FRY: variants seen among roughly 807,000 people sequenced by gnomAD.
FRY encodes protein furry homolog.
In FRY, 128 loss-of-function variants were observed where a neutral mutation model predicts 348.4. That is an observed-to-expected ratio of 0.37 (90% CI 0.32 to 0.43). FRY has a LOEUF of 0.43. Ranked by LOEUF, FRY falls within the 20% of genes least tolerant of loss-of-function variation. The pLI is 1.00. For missense variants in FRY, 2,736 were observed against 3,695.2 expected, an observed-to-expected ratio of 0.74 and a Z score of 6.73; for synonymous variants, 1,370 against 1,374.7, an observed-to-expected ratio of 1.00 and a Z score of 0.08.
chr13:32,033,003 C>A (rs778827935), intron 1 of FRY, among the ~76,000 whole-genome samples: 1 of 152,118 alleles, frequency 6.6e-6, no homozygotes, highest in South Asian at 2.1e-4. Flanking sequence ...GCTAAAGTAC[C>A]TTCAGCCTTA....
intron 1 of FRY, among the ~76,000 whole-genome samples, chr13:32,068,968 C>T (rs1487802132): frequency 1.4e-5 from 2 of 144,276 alleles, no homozygotes; most frequent in Non-Finnish European, 1.5e-5. Context: ...CAGGCTGGAG[C>T]GCAGTGGCCT....
intron 46 of FRY, among the ~76,000 whole-genome samples, chr13:32,243,154 G>A (rs940857380): frequency 5.3e-5 from 8 of 152,132 alleles, no homozygotes; most frequent in Non-Finnish European, 1.0e-4. Flanking sequence ...ACACATTCAT[G>A]TCAATATTGG....
At chr13:32,052,516 ATC>A (rs1873388536) in intron 1 of FRY, among the ~76,000 whole-genome samples, 2 of 152,256 alleles carry the variant, frequency 1.3e-5, no homozygotes, top group Admixed American at 1.3e-4. Flanking sequence ...AATTTATTTT[ATC>A]TAATTCAATA....
intron 1 of FRY, among the ~76,000 whole-genome samples, chr13:32,056,212 A>C (rs1295718747): frequency 2.0e-5 from 3 of 148,804 alleles, no homozygotes; most frequent in African/African-American, 5.0e-5. Context: ...AAAAAGGAAT[A>C]TACCTGGCAA....
chr13:32,247,656 C>G (rs1172497666), intron 48 of FRY, among the ~76,000 whole-genome samples, 154 bp downstream of exon 48: 2 of 152,058 alleles, frequency 1.3e-5, no homozygotes, highest in Non-Finnish European at 2.9e-5. Flanking sequence ...TTTAAAGAAC[C>G]CATTGAGTGT....
intron 51 of FRY, 67 bp from the exon 52 acceptor site, chr13:32,261,549 T>A (rs746075232): frequency 3.2e-6 from 4 of 1,240,964 alleles, no homozygotes; most frequent in South Asian, 2.4e-5. Context: ...TATGACTAAT[T>A]GAATGTGTGA....
chr13:32,291,647 C>T (rs2858211), intron 59 of FRY, among the ~76,000 whole-genome samples: 28,312 of 151,998 alleles, frequency 0.19, 2,922 homozygotes, highest in Middle Eastern at 0.23. Flanking sequence ...TCAGGTGATC[C>T]ACCTGCCTCG....
intron 2 of FRY, among the ~76,000 whole-genome samples, chr13:32,096,566 G>A (rs576986868): frequency 5.9e-5 from 9 of 152,154 alleles, no homozygotes; most frequent in Non-Finnish European, 1.2e-4. Context: ...CCAGGTGGGC[G>A]GATCACCTGC....
At chr13:32,232,580 G>T (rs1383250499) in intron 41 of FRY, among the ~76,000 whole-genome samples, 1 of 152,206 alleles carries the variant, frequency 6.6e-6, no homozygotes, top group Non-Finnish European at 1.5e-5. Context: ...CTGAGGCTGT[G>T]CCACCCCCTA....
At chr13:32,188,472 A>AT (rs1364475721) in intron 28 of FRY, among the ~76,000 whole-genome samples, 1 of 152,198 alleles carries the variant, frequency 6.6e-6, no homozygotes, top group African/African-American at 2.4e-5. Context: ...GATGAGAAGA[A>AT]TTAGCAGGAG....
chr13:32,265,414 A>C, intron 53 of FRY, 36 bp from the exon 54 acceptor site: 1 of 1,607,224 alleles, frequency 6.2e-7, no homozygotes, highest in East Asian at 2.2e-5. Flanking sequence ...GTTTTCTTAC[A>C]CATTGGGGGA....
rs763614766 is a variant in FRY, at chr13:32,208,963, C to T, written c.4129C>T (p.Pro1377Ser). The T allele has an allele frequency of 6.2e-7, 1 of 1,614,154 alleles. No homozygotes were observed. The highest frequency in any genetic ancestry group is 1.3e-5 in the African/African-American group (1 of 75,034). Reference sequence around the variant, plus strand: ...GCTGGTGGACAGCAGGCTCCTCCTCCCGGGGTCGAGCCCCAGCAGCCCAGA... The same window carrying T: ...GCTGGTGGACAGCAGGCTCCTCCTCTCGGGGTCGAGCCCCAGCAGCCCAGA... The part of the protein sequence containing the change: ...IELVDSRLLL[P>S]GSSPSSPEDE... Residue 1377 changes from proline to serine, a missense_variant, in exon 32 of 61, where the codon CCG becomes TCG. Pro to Ser is a moderately conservative substitution (Grantham distance 74). This residue lies in a region of FRY where 794 missense variants were observed against 977.0 expected (regional missense o/e 0.81). Transcript: ENST00000542859.
intron 58 of FRY, among the ~76,000 whole-genome samples, chr13:32,286,281 A>G (rs960694267): frequency 1.3e-5 from 2 of 152,240 alleles, no homozygotes; most frequent in Non-Finnish European, 2.9e-5. Flanking sequence ...TTATTGGATT[A>G]GAAACTGTTA....
At chr13:32,193,918 G>T (rs529214789) in intron 28 of FRY, among the ~76,000 whole-genome samples, 1 of 152,306 alleles carries the variant, frequency 6.6e-6, no homozygotes, top group Admixed American at 6.5e-5. Flanking sequence ...ATTGAGAATA[G>T]ATGGACCCTA....
rs778251736 is a variant in FRY at position 32,212,380 on chromosome 13, A to C, written c.4680A>C (p.Glu1560Asp). The C allele has an allele frequency of 1.3e-6, 2 of 1,584,014 alleles. No individual in the cohort carries two copies. The highest frequency in any genetic ancestry group is 1.1e-5 in the South Asian group (1 of 88,992). Residue 1560 changes from glutamate (E) to aspartate (D), a missense_variant and splice_region_variant, in exon 35 of 61, where the codon GAA becomes GAC. Glu to Asp is a conservative substitution (Grantham distance 45, BLOSUM62 2). Around this residue, in one of 9 missense-constraint regions of FRY, gnomAD observed 794 missense variants for 977.0 expected, o/e 0.81. Transcript: ENST00000542859. ...EENKILKESDERFSNVIRAHT... is the reference protein window; with the variant it reads ...EENKILKESDDRFSNVIRAHT... ...ACAAGATATTGAAAGAATCTGATGA[A>C]AGGTTGGTACACAAATTTGACTTAA...
chr13:32,037,330 T>C (rs562019394), intron 1 of FRY, among the ~76,000 whole-genome samples: 2 of 152,364 alleles, frequency 1.3e-5, no homozygotes, highest in Admixed American at 6.5e-5. Flanking sequence ...AATGGTAGTT[T>C]GCTTGCCTTG....
chr13:32,263,865 C>T (rs952872199), intron 53 of FRY, among the ~76,000 whole-genome samples: 1 of 152,042 alleles, frequency 6.6e-6, no homozygotes, highest in Admixed American at 6.6e-5. Flanking sequence ...AAAAATTAAC[C>T]GGTCATGGTG....
intron 56 of FRY, 113 bp downstream of exon 56, chr13:32,275,104 T>C (rs547338861): frequency 6.5e-5 from 63 of 965,384 alleles, no homozygotes; most frequent in Admixed American, 2.5e-4. Context: ...TCTGGCCGGG[T>C]GCGGTGGCTC....
intron 51 of FRY, chr13:32,257,919 A>G (rs750108142): frequency 6.4e-7 from 1 of 1,556,232 alleles, no homozygotes; most frequent in East Asian, 2.2e-5. Flanking sequence ...ATCATTGTAA[A>G]TAGACCTTTT....
Sources: allele counts gnomAD v4.1 joint callset (sites outside exome capture counted in the v4.1 genomes callset), GRCh38; gene constraint gnomAD v4.1.1; regional missense constraint gnomAD v4.1.1; transcripts MANE v1.5; gene names NCBI Gene and HGNC (gene_info 2026-07-23, HGNC 2026-07-21).